ERICH5: variants seen among roughly 807,000 people sequenced by gnomAD.
ERICH5 encodes glutamate-rich protein 5.
A neutral mutation model predicts 28.0 loss-of-function variants in ERICH5; 24 were observed. The observed-to-expected ratio is 0.86, with a 90% CI of 0.62 to 1.21. ERICH5 has a LOEUF of 1.21. ERICH5 is among the 50% of genes most tolerant of loss of function. The probability of loss-of-function intolerance (pLI) is 0.00; values close to 1 mark genes in which losing one functional copy is unlikely to be tolerated. For missense variants in ERICH5, 421 were observed against 441.2 expected, an observed-to-expected ratio of 0.95 and a Z score of 0.41; for synonymous variants, 163 against 157.6, an observed-to-expected ratio of 1.03 and a Z score of -0.25.
intron 2 of ERICH5, 73 bp downstream of exon 2, chr8:98,090,102 G>C: frequency 1.8e-6 from 2 of 1,128,060 alleles, no homozygotes; most frequent in Middle Eastern, 2.1e-4. Context: ...AGTGGGATGG[G>C]GTGACTGACA....
chr8:98,079,166 C>CTTTTTTTTTTTTTTTTTTTTTTTTTTT (rs528062932), intron 1 of ERICH5, among the ~76,000 whole-genome samples: 1 of 75,576 alleles, frequency 1.3e-5, no homozygotes, highest in Non-Finnish European at 2.8e-5. Context: ...TTTTTTTTTC[C>CTTTTTTTTTTTTTTTTTTTTTTTTTTT]TTTTTTTTTT....
rs959691469 is a variant in ERICH5 at position 98,088,931 on chromosome 8, G to A, written c.59-145G>A. On this transcript the variant is annotated intron_variant, in intron 1 of 2. Coordinates refer to ENST00000318528, the MANE Select transcript of ERICH5 (RefSeq NM_173549.3). Reference sequence around the variant, plus strand: ...TGACTGGGAGAGTGTTAGGGTCATGGTATGGCCTTTCTGTACTCAGATATA... The same window carrying A: ...TGACTGGGAGAGTGTTAGGGTCATGATATGGCCTTTCTGTACTCAGATATA... 11 of 629,966 alleles carry A rather than the reference G, an allele frequency of 1.7e-5. No homozygotes were observed. The Admixed American group carries it at 2.6e-4, about 15-fold the overall frequency. The allele number at this position is 629,966 out of a possible 1,614,324, so 39.0% of individuals were successfully genotyped here. A position where few individuals can be genotyped will look rare whatever the true frequency, so the allele number is the denominator to read the frequency against.
In ERICH5 at chr8:98,064,696, CA is replaced by C; in HGVS notation, c.29del (p.Lys10ArgfsTer11). MGCSSSALN[K>X]AGDSSRFPSV... is the part of the protein sequence containing the mutation. ...TGGGCTGCTCCAGCAGCGCCCTCAA[CA>C]AGGCCGGCGACAGCAGCAGGTTCCC... On this transcript the variant is annotated frameshift_variant, in exon 1 of 3. Coordinates refer to ENST00000318528, the MANE Select transcript of ERICH5 (RefSeq NM_173549.3). LOFTEE classifies it high-confidence loss of function. 1 of 1,536,614 alleles carries C rather than the reference CA, an allele frequency of 6.5e-7. No homozygotes were observed.
rs191771852 is a variant in ERICH5 at position 98,079,866 on chromosome 8, T to C, written c.59-9210T>C. On this transcript the variant is annotated intron_variant, in intron 1 of 2. Transcript: ENST00000318528. ...CTTTTCCATTATTTATCAATAATCA[T>C]GTTTTAAACTGTACCATGATAACAA... Among the ~76,000 whole-genome samples, 9 of 152,338 alleles carry C rather than the reference T, an allele frequency of 5.9e-5. No individual in the cohort carries two copies. In the East Asian group the frequency reaches 1.5e-3, roughly 26 times the overall value.
chr8:98,084,029 C>T (rs529044959), intron 1 of ERICH5, among the ~76,000 whole-genome samples: 8 of 151,210 alleles, frequency 5.3e-5, no homozygotes, highest in Non-Finnish European at 1.2e-4. Flanking sequence ...TACAGGTTCA[C>T]ACCACCATGC....
In ERICH5 at chr8:98,092,629, C is replaced by G. The variant is rs1454870582; in HGVS notation, c.1013-592C>G. Among the ~76,000 whole-genome samples the G allele has an allele frequency of 3.3e-5, 5 of 152,106 alleles. No individual in the cohort carries two copies. In the East Asian group the frequency reaches 9.6e-4, roughly 29 times the overall value. On this transcript the variant is annotated intron_variant, in intron 2 of 2. Coordinates refer to ENST00000318528, the MANE Select transcript of ERICH5 (RefSeq NM_173549.3). ...CATGAACTTTCTATTATAATCTGTTCTACCACCATTTCTTTGGTAATTTTG... is the reference window on the plus strand; with the variant it reads ...CATGAACTTTCTATTATAATCTGTTGTACCACCATTTCTTTGGTAATTTTG...
intron 1 of ERICH5, among the ~76,000 whole-genome samples, chr8:98,088,392 G>A (rs1815317438): frequency 6.6e-6 from 1 of 152,190 alleles, no homozygotes; most frequent in Non-Finnish European, 1.5e-5. Flanking sequence ...AAGTTTCCAA[G>A]CTCATACAGT....
intron 1 of ERICH5, among the ~76,000 whole-genome samples, chr8:98,078,621 C>A (rs180908659): frequency 1.3e-5 from 2 of 152,150 alleles, no homozygotes; most frequent in Non-Finnish European, 2.9e-5. Flanking sequence ...GTTCTAATCC[C>A]TTCTGTAATG....
At chr8:98,071,325 C>G (rs1383928622) in intron 1 of ERICH5, among the ~76,000 whole-genome samples, 1 of 152,110 alleles carries the variant, frequency 6.6e-6, no homozygotes, top group Non-Finnish European at 1.5e-5. Context: ...CCACAACCAG[C>G]TCATGTGTAC....
intron 2 of ERICH5, among the ~76,000 whole-genome samples, chr8:98,090,639 T>C (rs2130535347): frequency 6.6e-6 from 1 of 150,436 alleles, no homozygotes; most frequent in South Asian, 2.1e-4. Context: ...AAAAAGAAAA[T>C]GACTGTCAGT....
intron 2 of ERICH5, among the ~76,000 whole-genome samples, chr8:98,091,096 C>G (rs1024986843): frequency 6.6e-6 from 1 of 152,114 alleles, no homozygotes; most frequent in Non-Finnish European, 1.5e-5. Flanking sequence ...CACCACCATG[C>G]CCGGCTAGTT....
At chr8:98,086,950 C>CAAA (rs35907854) in intron 1 of ERICH5, among the ~76,000 whole-genome samples, 1 of 86,244 alleles carries the variant, frequency 1.2e-5, no homozygotes, top group Non-Finnish European at 2.5e-5. Context: ...GACTCCGTCT[C>CAAA]AAAAAAAAAA....
At chr8:98,091,949 C>CTTTCTTTCTTCT (rs71271196) in intron 2 of ERICH5, among the ~76,000 whole-genome samples, 2 of 101,990 alleles carry the variant, frequency 2.0e-5, no homozygotes, top group Admixed American at 1.1e-4. Flanking sequence ...TTCTTTCTTT[C>CTTTCTTTCTTCT]TTCTTTCTTT....
chr8:98,067,822 T>C (rs1168216429), intron 1 of ERICH5, among the ~76,000 whole-genome samples: 1 of 151,918 alleles, frequency 6.6e-6, no homozygotes, highest in Non-Finnish European at 1.5e-5. Flanking sequence ...TCCATGTTGG[T>C]CGAACTCCCG....
chr8:98,070,720 A>G (rs1814901783), intron 1 of ERICH5, among the ~76,000 whole-genome samples: 1 of 150,936 alleles, frequency 6.6e-6, no homozygotes, highest in African/African-American at 2.4e-5. Context: ...GAAAGAAAAG[A>G]AAAAAAAGCA....
At chr8:98,070,473 A>G (rs1464025274) in intron 1 of ERICH5, among the ~76,000 whole-genome samples, 5 of 151,682 alleles carry the variant, frequency 3.3e-5, no homozygotes, top group African/African-American at 4.8e-5. Context: ...CCTGACCAAC[A>G]TGGAGAAACC....
Position 98,064,634 on chromosome 8 carries a change from C to T in ERICH5, c.-36C>T. On this transcript the variant is annotated 5_prime_UTR_variant, in exon 1 of 3. Transcript: ENST00000318528. ...CGGTTCCCGGTTCCGGGCCGACACC[C>T]GCGCAGGGCTGAGACAGGTGTCTGC... is the stretch of plus-strand genomic sequence containing the variant. 6.8e-7 allele frequency: 1 copy of T among 1,479,542 alleles called. No individual in the cohort carries two copies. Among genetic ancestry groups the T allele is most frequent in the Non-Finnish European group, 9.0e-7 (1 of 1,106,668 alleles). The allele number at this position is 1,479,542 out of a possible 1,614,324, so 91.7% of individuals were successfully genotyped here.
chr8:98,065,051 T>A (rs1427397964), intron 1 of ERICH5, among the ~76,000 whole-genome samples: 1 of 152,154 alleles, frequency 6.6e-6, no homozygotes. Context: ...GCGGTTAGCC[T>A]CGGCATTGCC....
intron 1 of ERICH5, among the ~76,000 whole-genome samples, chr8:98,085,437 A>G (rs1419521918): frequency 2.0e-5 from 3 of 152,054 alleles, no homozygotes; most frequent in African/African-American, 7.2e-5. Flanking sequence ...TGCTGGGATT[A>G]CAGGCGTGAG....
Sources: gnomAD v4.1 joint callset for allele counts (sites outside exome capture counted in the v4.1 genomes callset) on GRCh38, gnomAD v4.1.1 for gene constraint, MANE v1.5 for transcripts, NCBI Gene and HGNC (gene_info 2026-07-23, HGNC 2026-07-21) for gene names.